Variants in HS6ST2 observed in about 807,000 individuals in gnomAD.
The protein encoded by HS6ST2 is heparan sulfate 6-O-sulfotransferase 2, also known as heparan-sulfate 6-O-sulfotransferase 2.
HS6ST2 carries 17 observed loss-of-function variants against 33.0 expected under a neutral mutation model. The ratio of observed to expected loss-of-function variants is 0.52; its 90% confidence interval spans 0.35 to 0.77. The LOEUF is 0.77. Among genes scored for constraint, HS6ST2 ranks in the 30% least tolerant of loss-of-function variants. The probability of loss-of-function intolerance (pLI) is 0.01; values close to 1 mark genes in which losing one functional copy is unlikely to be tolerated. For synonymous variants in HS6ST2, 248 were observed against 237.1 expected, an observed-to-expected ratio of 1.05 and a Z score of -0.42; for missense variants, 519 against 551.7, an observed-to-expected ratio of 0.94 and a Z score of 0.59.
intron 2 of HS6ST2, among the ~76,000 whole-genome samples, chrX:132,842,400 C>T (rs780512955): frequency 1.6e-4 from 18 of 112,250 alleles, no homozygotes; most frequent in African/African-American, 5.8e-4. Flanking sequence ...ACAGCTTGTG[C>T]GCAAGTACCC....
chrX:132,892,798 G>T (rs2066330324), intron 2 of HS6ST2, among the ~76,000 whole-genome samples: 1 of 111,639 alleles, frequency 9.0e-6, no homozygotes, highest in Admixed American at 9.5e-5. Flanking sequence ...CAGCCTGGGT[G>T]ACAGAGTGAG....
At chrX:132,919,795 T>A (rs2066632224) in intron 2 of HS6ST2, among the ~76,000 whole-genome samples, 1 of 111,962 alleles carries the variant, frequency 8.9e-6, no homozygotes, top group Non-Finnish European at 1.9e-5. Flanking sequence ...TGGGCAAATT[T>A]CTGCCCTTGT....
At chrX:132,770,152 A>G (rs753334634) in intron 2 of HS6ST2, among the ~76,000 whole-genome samples, 2 of 111,841 alleles carry the variant, frequency 1.8e-5, no homozygotes, top group South Asian at 7.5e-4. Flanking sequence ...TCTCCTAAGA[A>G]CATTATACAC....
At chrX:132,651,635 C>A (rs747871800) in intron 4 of HS6ST2, among the ~76,000 whole-genome samples, 8 of 111,740 alleles carry the variant, frequency 7.2e-5, no homozygotes, top group Non-Finnish European at 1.3e-4. Context: ...GATTTAGAGG[C>A]CTTTATTACT....
At chrX:132,688,466 C>T (rs999379653) in intron 3 of HS6ST2, among the ~76,000 whole-genome samples, 1 of 111,575 alleles carries the variant, frequency 9.0e-6, no homozygotes, top group Non-Finnish European at 1.9e-5. Flanking sequence ...CACAGTTCAG[C>T]ATGACTGGGG....
At chrX:132,676,051 C>A (rs1015787684) in intron 3 of HS6ST2, among the ~76,000 whole-genome samples, 1 of 111,756 alleles carries the variant, frequency 8.9e-6, no homozygotes, top group African/African-American at 3.3e-5. Context: ...ATCACCTTTC[C>A]CATACTGAGG....
intron 2 of HS6ST2, among the ~76,000 whole-genome samples, chrX:132,727,915 C>T (rs2064411991): frequency 8.9e-6 from 1 of 111,871 alleles, no homozygotes. Flanking sequence ...TGGCTTCTTT[C>T]ACTTAGGGCA....
In HS6ST2 at chrX:132,944,141, G is replaced by C. The variant is rs193007764; in HGVS notation, c.947+12667C>G. On this transcript the variant is annotated intron_variant, in intron 2 of 4. Coordinates refer to ENST00000370833, the MANE Select transcript of HS6ST2 (RefSeq NM_001394073.1). Reference sequence around the variant, plus strand: ...TCTCAGCCCAAAACCTCCTTAAGCTGATAAGCAACTTCAGCAAAGTCTCAG... The same window carrying C: ...TCTCAGCCCAAAACCTCCTTAAGCTCATAAGCAACTTCAGCAAAGTCTCAG... 3.4e-3 allele frequency among the ~76,000 whole-genome samples: 376 copies of C among 111,863 alleles called. 2 individuals are homozygous for C. Among genetic ancestry groups the C allele is most frequent in the African/African-American group, 0.011 (330 of 30,807 alleles).
In HS6ST2 at chrX:132,958,360, G is replaced by A; in HGVS notation, c.243C>T (p.Ala81=). The A allele has an allele frequency of 1.7e-6, 2 of 1,199,063 alleles. No individual in the cohort carries two copies. Among genetic ancestry groups the A allele is most frequent in the African/African-American group, 1.7e-5 (1 of 57,909 alleles). Residue 81 remains alanine (A), a synonymous_variant, in exon 1 of 5, where the codon GCC becomes GCT. Coordinates refer to ENST00000370833, the MANE Select transcript of HS6ST2 (RefSeq NM_001394073.1). ...GCAGCGCGAAAAGCGGGGCGCACGC[G>A]GCTCCCGCCAGGGAAGAAGACGCCT... ...PRKASSSLAG[A]ACAPLFALLS...
intron 2 of HS6ST2, among the ~76,000 whole-genome samples, chrX:132,869,718 C>A (rs913017451): frequency 9.8e-5 from 11 of 111,755 alleles, no homozygotes; most frequent in African/African-American, 6.5e-5. Context: ...ATTCAACATG[C>A]CTTCATGCTA....
At chrX:132,768,208 A>G (rs1442426477) in intron 2 of HS6ST2, among the ~76,000 whole-genome samples, 1 of 108,740 alleles carries the variant, frequency 9.2e-6, no homozygotes, top group Non-Finnish European at 1.9e-5. Flanking sequence ...GTGGTGGTGG[A>G]CACCTTTAGT....
At chrX:132,716,760 A>G (rs999911111) in intron 2 of HS6ST2, among the ~76,000 whole-genome samples, 1 of 112,476 alleles carries the variant, frequency 8.9e-6, no homozygotes. Flanking sequence ...TTTCATTTAC[A>G]AGGTAAGTAT....
At chrX:132,938,656 A>AATG (rs1468893737) in intron 2 of HS6ST2, among the ~76,000 whole-genome samples, 4 of 110,582 alleles carry the variant, frequency 3.6e-5, no homozygotes, top group Non-Finnish European at 7.6e-5. Context: ...TAATAATAAT[A>AATG]ATAATAATGA....
At chrX:132,861,532 G>A (rs112590524) in intron 2 of HS6ST2, among the ~76,000 whole-genome samples, 15 of 112,498 alleles carry the variant, frequency 1.3e-4, no homozygotes, top group South Asian at 3.7e-4. Context: ...TTTAGCTGCC[G>A]CAGGCAGCAT....
At chrX:132,853,582 C>G (rs1216064787) in intron 2 of HS6ST2, among the ~76,000 whole-genome samples, 1 of 111,025 alleles carries the variant, frequency 9.0e-6, no homozygotes, top group African/African-American at 3.3e-5. Context: ...AAGAGCTGCA[C>G]CCATTGTTAC....
upstream of HS6ST2, chrX:132,958,712 T>G: frequency 1.3e-6 from 1 of 756,335 alleles, no homozygotes; most frequent in Non-Finnish European, 1.8e-6. Context: ...AGAACCTGGG[T>G]TTTCTCTTTT....
At chrX:132,829,199 T>TATATATACAC (rs55664940) in intron 2 of HS6ST2, among the ~76,000 whole-genome samples, 58 of 73,288 alleles carry the variant, frequency 7.9e-4, no homozygotes, top group African/African-American at 2.4e-3. Flanking sequence ...TATATATATA[T>TATATATACAC]ACATACTTAT....
intron 2 of HS6ST2, among the ~76,000 whole-genome samples, chrX:132,739,146 C>A: frequency 9.0e-6 from 1 of 111,588 alleles, no homozygotes; most frequent in East Asian, 2.8e-4. Context: ...AATCACTAGA[C>A]GCGCACCAGG....
intron 2 of HS6ST2, among the ~76,000 whole-genome samples, chrX:132,937,530 GA>G (rs1399787830): frequency 9.0e-6 from 1 of 110,755 alleles, no homozygotes; most frequent in Admixed American, 9.6e-5. Flanking sequence ...AGAGAACCCA[GA>G]AAAAAAATCT....
Sources: allele counts gnomAD v4.1 joint callset (sites outside exome capture counted in the v4.1 genomes callset), GRCh38; gene constraint gnomAD v4.1.1; transcripts MANE v1.5; gene names NCBI Gene and HGNC (gene_info 2026-07-23, HGNC 2026-07-21).